Variants in KIRREL3 observed in about 807,000 individuals in gnomAD.
The protein encoded by KIRREL3 is kin of IRRE-like protein 3.
KIRREL3 carries 36 observed loss-of-function variants against 89.7 expected under a neutral mutation model. The ratio of observed to expected loss-of-function variants is 0.40; its 90% CI spans 0.31 to 0.53. The LOEUF is 0.53. KIRREL3 is among the 20% of genes least tolerant of loss of function. The pLI is 0.49. For missense variants in KIRREL3, 864 were observed against 1,056.6 expected, an observed-to-expected ratio of 0.82 and a Z score of 2.53; for synonymous variants, 445 against 441.4, an observed-to-expected ratio of 1.01 and a Z score of -0.10.
intron 4 of KIRREL3, among the ~76,000 whole-genome samples, chr11:126,497,284 G>A (rs1957701150): frequency 6.6e-6 from 1 of 152,108 alleles, no homozygotes. Context: ...GACAGGGTGT[G>A]TGTGTGAGAG....
intron 1 of KIRREL3, among the ~76,000 whole-genome samples, chr11:126,585,623 C>T (rs543226010): frequency 6.7e-4 from 102 of 152,338 alleles, no homozygotes; most frequent in Middle Eastern, 3.4e-3. Flanking sequence ...TTGGAAGCAG[C>T]GGACCGGATA....
At chr11:126,680,200 TTGC>T (rs1946384794) in intron 1 of KIRREL3, among the ~76,000 whole-genome samples, 1 of 152,106 alleles carries the variant, frequency 6.6e-6, no homozygotes, top group Non-Finnish European at 1.5e-5. Flanking sequence ...TAAAGATCGG[TTGC>T]TTTCATGACC....
chr11:126,548,752 G>C (rs1939018842), intron 2 of KIRREL3, among the ~76,000 whole-genome samples: 1 of 152,232 alleles, frequency 6.6e-6, no homozygotes, highest in Admixed American at 6.5e-5. Flanking sequence ...AGTGGGTGCT[G>C]ATGAATCTCT....
chr11:126,527,125 G>A lies in KIRREL3; in HGVS notation c.134-438C>T, dbSNP rs767952351. ...GTGGCTGTGTGTTAAGAAGGGGGTC[G>A]ATGGAGAGTGGTGCGGCTTTGGTTA... On this transcript the variant is annotated intron_variant, in intron 2 of 16. Transcript: ENST00000525144. This position sits in a 1 kb window ranked among gnomAD's most constrained non-coding sequence, Gnocchi z 4.2. 1.3e-5 allele frequency among the ~76,000 whole-genome samples: 2 copies of A among 152,200 alleles called. No individual in the cohort carries two copies. The highest frequency in any genetic ancestry group is 2.9e-5 in the Non-Finnish European group (2 of 68,034).
At chr11:126,681,407 G>A (rs1946445854) in intron 1 of KIRREL3, among the ~76,000 whole-genome samples, 1 of 152,220 alleles carries the variant, frequency 6.6e-6, no homozygotes, top group Non-Finnish European at 1.5e-5. Flanking sequence ...CATCAGGGGA[G>A]CACGAAGCTT....
intron 5 of KIRREL3, among the ~76,000 whole-genome samples, chr11:126,466,162 G>C (rs1040083651): frequency 1.2e-4 from 19 of 152,348 alleles, no homozygotes; most frequent in African/African-American, 4.6e-4. Context: ...GCCTCGGAAT[G>C]ATGATTAATG....
intron 1 of KIRREL3, among the ~76,000 whole-genome samples, chr11:126,722,163 C>A (rs914180479): frequency 6.6e-6 from 1 of 152,260 alleles, no homozygotes; most frequent in Non-Finnish European, 1.5e-5. Flanking sequence ...CCATCCCAAT[C>A]TATCTGCCTG....
rs557814828 is a variant in KIRREL3, at chr11:126,563,286, G to C, written c.56-374C>G. Among the ~76,000 whole-genome samples, 5 of 152,252 alleles carry C rather than the reference G, an allele frequency of 3.3e-5. No individual in the cohort carries two copies. The South Asian group carries it at 8.3e-4, about 25-fold the overall frequency. ...GTTATTGAGGCCCTTTGTATCTCAG[G>C]CTTGGGGACTATGCTCAGATCAACT... On this transcript the variant is annotated intron_variant, in intron 1 of 16. Transcript: ENST00000525144. The surrounding 1 kb of genome is among the most constrained non-coding windows in gnomAD (Gnocchi z 6.8).
At chr11:126,732,964 T>C (rs1948681825) in intron 1 of KIRREL3, among the ~76,000 whole-genome samples, 2 of 152,262 alleles carry the variant, frequency 1.3e-5, no homozygotes, top group African/African-American at 4.8e-5. Flanking sequence ...CAAAAGACTT[T>C]GGTGAAATGC....
In KIRREL3 at chr11:126,669,991, T is replaced by C. The variant is rs1945862060; in HGVS notation, c.56-107079A>G. Among the ~76,000 whole-genome samples the C allele has an allele frequency of 6.6e-6, 1 of 152,146 alleles. No individual in the cohort carries two copies. The highest frequency in any genetic ancestry group is 1.5e-5 in the Non-Finnish European group (1 of 68,028). ...CGTTGCTCAAGCTCATGCCTCAGTC[T>C]CCCCTGACTCTTCCCATTCCTTCTC... On this transcript the variant is annotated intron_variant, in intron 1 of 16. Transcript: ENST00000525144. The surrounding 1 kb of genome is among the most constrained non-coding windows in gnomAD (Gnocchi z 5.0).
Position 126,441,292 on chromosome 11 carries a change from C to G in KIRREL3, c.1253-743G>C, listed in dbSNP as rs1955553414. Among the ~76,000 whole-genome samples the G allele has an allele frequency of 6.6e-6, 1 of 152,224 alleles. No homozygotes were observed. The highest frequency in any genetic ancestry group is 1.5e-5 in the Non-Finnish European group (1 of 68,028). On this transcript the variant is annotated intron_variant, in intron 10 of 16. Coordinates refer to ENST00000525144, the MANE Select transcript of KIRREL3 (RefSeq NM_032531.4). The surrounding 1 kb of genome is among the most constrained non-coding windows in gnomAD (Gnocchi z 5.0). ...GAGTGTGGCACATGTTTATGGGTGT[C>G]AGGTTCTGAGAGCGCCTGTCTCATT... is the stretch of plus-strand genomic sequence containing the variant.
Position 126,571,368 on chromosome 11 carries a change from C to T in KIRREL3, c.56-8456G>A, listed in dbSNP as rs1591757616. 6.6e-6 allele frequency among the ~76,000 whole-genome samples: 1 copy of T among 152,322 alleles called. No individual in the cohort carries two copies. Among genetic ancestry groups the T allele is most frequent in the Middle Eastern group, 3.4e-3 (1 of 294 alleles). ...CAAGGTTGGCAGAGCTCACCCCACT[C>T]CTCTGTACACTGAAAGTGGGACACT... On this transcript the variant is annotated intron_variant, in intron 1 of 16. Transcript: ENST00000525144. The surrounding 1 kb of genome is among the most constrained non-coding windows in gnomAD (Gnocchi z 7.7).
chr11:126,981,865 G>C lies in KIRREL3; in HGVS notation c.55+18590C>G, dbSNP rs567054471. 7.9e-5 allele frequency among the ~76,000 whole-genome samples: 12 copies of C among 152,272 alleles called. No homozygotes were observed. Among genetic ancestry groups the C allele is most frequent in the African/African-American group, 2.6e-4 (11 of 41,554 alleles). ...TTCTGTAGCACACACTCCCTTGCTT[G>C]GGGGCTCTGCTGGGATGACAGCCTT... On this transcript the variant is annotated intron_variant, in intron 1 of 16. Coordinates refer to ENST00000525144, the MANE Select transcript of KIRREL3 (RefSeq NM_032531.4). This position sits in a 1 kb window ranked among gnomAD's most constrained non-coding sequence, Gnocchi z 4.2.
In KIRREL3 at chr11:126,811,479, G is replaced by A. The variant is rs143742382; in HGVS notation, c.55+188976C>T. ...GTATTCTCATAGCTGTTGACAAACTGGACAGATACATGAGTAATGAATAGG... is the reference window on the plus strand; with the variant it reads ...GTATTCTCATAGCTGTTGACAAACTAGACAGATACATGAGTAATGAATAGG... On this transcript the variant is annotated intron_variant, in intron 1 of 16. Transcript: ENST00000525144. This position sits in a 1 kb window ranked among gnomAD's most constrained non-coding sequence, Gnocchi z 4.3. 2.8e-4 allele frequency among the ~76,000 whole-genome samples: 43 copies of A among 152,362 alleles called. No homozygotes were observed. Among genetic ancestry groups the A allele is most frequent in the African/African-American group, 9.9e-4 (41 of 41,594 alleles).
Position 126,431,058 on chromosome 11 carries a change from G to A in KIRREL3, c.1696+361C>T, listed in dbSNP as rs1955108793. On this transcript the variant is annotated intron_variant, in intron 14 of 16. Transcript: ENST00000525144. The surrounding 1 kb of genome is among the most constrained non-coding windows in gnomAD (Gnocchi z 7.1). ...TTTATTTTTATTTTGTTGTAGAGAT[G>A]GGGTCTCTCTAGACTAACAGCTCTT... 7.8e-7 allele frequency: 1 copy of A among 1,280,780 alleles called. No individual in the cohort carries two copies. Among genetic ancestry groups the A allele is most frequent in the Admixed American group, 3.6e-5 (1 of 27,770 alleles). 79.3% of individuals were successfully genotyped at this position (1,280,780 alleles called of 1,614,324 possible). A position where few individuals can be genotyped will look rare whatever the true frequency, so the allele number is the denominator to read the frequency against.
In KIRREL3 at chr11:126,686,520, G is replaced by A. The variant is rs952602360; in HGVS notation, c.56-123608C>T. ...GTCAGTGCTGGCCACTGAGCGGGGA[G>A]GGTGGGGAGGGACTGTGCGTTCCTG... On this transcript the variant is annotated intron_variant, in intron 1 of 16. Coordinates refer to ENST00000525144, the MANE Select transcript of KIRREL3 (RefSeq NM_032531.4). The surrounding 1 kb of genome is among the most constrained non-coding windows in gnomAD (Gnocchi z 4.7). 6.6e-6 allele frequency among the ~76,000 whole-genome samples: 1 copy of A among 152,112 alleles called. No homozygotes were observed. Among genetic ancestry groups the A allele is most frequent in the Non-Finnish European group, 1.5e-5 (1 of 68,024 alleles).
Position 127,000,241 on chromosome 11 carries a change from C to T in KIRREL3, c.55+214G>A, listed in dbSNP as rs1336690299. Among the ~76,000 whole-genome samples the T allele has an allele frequency of 2.0e-5, 3 of 152,224 alleles. No homozygotes were observed. The East Asian group carries it at 5.8e-4, about 29-fold the overall frequency. On this transcript the variant is annotated intron_variant, in intron 1 of 16. Transcript: ENST00000525144. This position sits in a 1 kb window ranked among gnomAD's most constrained non-coding sequence, Gnocchi z 7.1. The stretch of plus-strand genomic sequence containing the variant: ...GAGAGGAGAAAGTCATTCCCCTCCC[C>T]TCCCATACCCCTTCTTTCCAAAGGA...
rs1156616866 is a variant in KIRREL3, at chr11:126,783,513, A to C, written c.55+216942T>G. On this transcript the variant is annotated intron_variant, in intron 1 of 16. Transcript: ENST00000525144. The surrounding 1 kb of genome is among the most constrained non-coding windows in gnomAD (Gnocchi z 4.3). ...TAACATATTCTCTTCCAAAAAAGCC[A>C]CACTAATGAGGGTCTGTCAAAGGGA... Among the ~76,000 whole-genome samples, 1 of 152,216 alleles carries C rather than the reference A, an allele frequency of 6.6e-6. No individual in the cohort carries two copies. The highest frequency in any genetic ancestry group is 1.5e-5 in the Non-Finnish European group (1 of 68,050).
rs1447686054 is a variant in KIRREL3, at chr11:126,527,571, G to A, written c.134-884C>T. 6.6e-6 allele frequency among the ~76,000 whole-genome samples: 1 copy of A among 152,138 alleles called. No individual in the cohort carries two copies. The highest frequency in any genetic ancestry group is 1.5e-5 in the Non-Finnish European group (1 of 68,036). On this transcript the variant is annotated intron_variant, in intron 2 of 16. Transcript: ENST00000525144. This position sits in a 1 kb window ranked among gnomAD's most constrained non-coding sequence, Gnocchi z 4.2. ...TTTCCAGATGGGAAAATGAGGCACA[G>A]GGAGGTGAAAAATAGTAATGGGAGC...
Sources: gnomAD v4.1 joint callset for allele counts (sites outside exome capture counted in the v4.1 genomes callset) on GRCh38, gnomAD v4.1.1 for gene constraint, Gnocchi (gnomAD v3.1) non-coding constraint, MANE v1.5 for transcripts, NCBI Gene and HGNC (gene_info 2026-07-23, HGNC 2026-07-21) for gene names.